Variants in CD99L2 observed in about 807,000 individuals in gnomAD.
CD99L2 encodes CD99 molecule like 2.
In CD99L2, 24 loss-of-function variants were observed where a neutral mutation model predicts 27.3. The ratio of observed to expected loss-of-function variants is 0.88; its 90% confidence interval spans 0.64 to 1.24. The LOEUF is 1.24. Ranked by LOEUF, CD99L2 falls within the 50% of genes most tolerant of loss-of-function variation. The pLI, the probability that CD99L2 is intolerant of heterozygous loss-of-function variation, is 0.00. For synonymous variants in CD99L2, 97 were observed against 87.9 expected, an observed-to-expected ratio of 1.10 and a Z score of -0.58; for missense variants, 255 against 221.6, an observed-to-expected ratio of 1.15 and a Z score of -0.96.
At chrX:150,788,301 G>A (rs1557419623) in intron 7 of CD99L2, among the ~76,000 whole-genome samples, 1 of 111,430 alleles carries the variant, frequency 9.0e-6, no homozygotes, top group Non-Finnish European at 1.9e-5. Flanking sequence ...CAAATCCTAT[G>A]CTCATTTTTT....
intron 9 of CD99L2, chrX:150,771,938 G>A: frequency 2.4e-6 from 2 of 842,773 alleles, no homozygotes; most frequent in Non-Finnish European, 3.4e-6. Context: ...CCCAGCATGG[G>A]CCTTTTGGCA....
intron 9 of CD99L2, among the ~76,000 whole-genome samples, chrX:150,770,838 G>T (rs1217234465): frequency 8.9e-6 from 1 of 112,701 alleles, no homozygotes; most frequent in Non-Finnish European, 1.9e-5. Flanking sequence ...AAAGCCTCCT[G>T]CCAACATGCA....
intron 1 of CD99L2, among the ~76,000 whole-genome samples, chrX:150,835,675 A>G (rs1415825365): frequency 8.9e-6 from 1 of 112,226 alleles, no homozygotes; most frequent in East Asian, 2.8e-4. Context: ...AAGCCACTCA[A>G]AGATATACTG....
chrX:150,856,890 G>A (rs1469241410), intron 1 of CD99L2, among the ~76,000 whole-genome samples: 1 of 110,445 alleles, frequency 9.1e-6, no homozygotes, highest in Non-Finnish European at 1.9e-5. Context: ...GGATATAAAT[G>A]AGAAATTTAC....
intron 9 of CD99L2, chrX:150,771,889 T>C (rs2043463160): frequency 9.1e-7 from 1 of 1,101,432 alleles, no homozygotes; most frequent in East Asian, 3.3e-5. Flanking sequence ...ACATGCGGGC[T>C]TTCCACACTG....
At chrX:150,802,746 T>A (rs2045931235) in intron 4 of CD99L2, among the ~76,000 whole-genome samples, 1 of 103,627 alleles carries the variant, frequency 9.6e-6, no homozygotes, top group African/African-American at 3.5e-5. Context: ...CACGCCCAGC[T>A]AATTTTTTGT....
chrX:150,869,636 A>C (rs1433583131), intron 1 of CD99L2, among the ~76,000 whole-genome samples: 1 of 112,100 alleles, frequency 8.9e-6, no homozygotes, highest in Non-Finnish European at 1.9e-5. Flanking sequence ...ACAGCTAGCC[A>C]GTCAGGAGAG....
intron 9 of CD99L2, among the ~76,000 whole-genome samples, chrX:150,774,941 G>A (rs782219729): frequency 8.9e-6 from 1 of 112,258 alleles, no homozygotes; most frequent in South Asian, 3.7e-4. Flanking sequence ...CCGGATCCAC[G>A]GTGGGTCCGT....
At chrX:150,798,380 T>C (rs1453923696) in intron 4 of CD99L2, among the ~76,000 whole-genome samples, 1 of 109,727 alleles carries the variant, frequency 9.1e-6, no homozygotes, top group Non-Finnish European at 1.9e-5. Context: ...ATATAAACCC[T>C]TGCATATACG....
intron 1 of CD99L2, among the ~76,000 whole-genome samples, chrX:150,891,090 A>T (rs1386775363): frequency 4.4e-5 from 5 of 113,099 alleles, no homozygotes; most frequent in African/African-American, 1.6e-4. Context: ...GATTGATTTT[A>T]AAATGGTAAA....
At chrX:150,857,642 T>C (rs942449517) in intron 1 of CD99L2, among the ~76,000 whole-genome samples, 14 of 111,823 alleles carry the variant, frequency 1.3e-4, no homozygotes, top group Non-Finnish European at 2.6e-4. Flanking sequence ...GGACAACATT[T>C]ACAATCATGA....
chrX:150,810,015 G>A (rs2046050260), intron 4 of CD99L2, among the ~76,000 whole-genome samples: 1 of 111,835 alleles, frequency 8.9e-6, no homozygotes, highest in Admixed American at 9.5e-5. Context: ...ATTATCGTTG[G>A]GGAAATTCCA....
intron 4 of CD99L2, among the ~76,000 whole-genome samples, chrX:150,797,423 A>G (rs974829619): frequency 5.4e-5 from 6 of 112,068 alleles, no homozygotes; most frequent in African/African-American, 1.9e-4. Context: ...CTCAAAAACC[A>G]CCAACTATCA....
intron 7 of CD99L2, among the ~76,000 whole-genome samples, chrX:150,778,684 A>AT (rs112705378): frequency 5.5e-3 from 130 of 23,555 alleles, no homozygotes; most frequent in African/African-American, 0.01. Flanking sequence ...AAAAAAAAAA[A>AT]AATATATATA....
intron 1 of CD99L2, among the ~76,000 whole-genome samples, chrX:150,863,568 T>C (rs1209559448): frequency 9.0e-6 from 1 of 111,363 alleles, no homozygotes; most frequent in Non-Finnish European, 1.9e-5. Context: ...ATGAGCAGCC[T>C]TTCTTTTGGT....
At chrX:150,846,000 G>A (rs1446318379) in intron 1 of CD99L2, among the ~76,000 whole-genome samples, 1 of 111,221 alleles carries the variant, frequency 9.0e-6, no homozygotes, top group African/African-American at 3.3e-5. Context: ...AGACCAGCCT[G>A]GGCAACATGG....
rs146992037 is a variant in CD99L2, at chrX:150,816,237, T to C, written c.131-159A>G. ...CTCCAGAGAATCACACTGAAAAGGA[T>C]GACAAAATGATATAGGTTTAAATGA... is the stretch of plus-strand genomic sequence containing the variant. On this transcript the variant is annotated intron_variant, in intron 2 of 10. Coordinates refer to ENST00000370377, the MANE Select transcript of CD99L2 (RefSeq NM_031462.4). 55 of 486,885 alleles carry C rather than the reference T, an allele frequency of 1.1e-4. No individual in the cohort carries two copies. The East Asian group carries it at 1.9e-3, about 17-fold the overall frequency. 40.1% of individuals were successfully genotyped at this position (486,885 alleles called of 1,213,427 possible).
In CD99L2 at chrX:150,779,580, G is replaced by A. The variant is rs782459156; in HGVS notation, c.497-2098C>T. On this transcript the variant is annotated intron_variant, in intron 7 of 10. Transcript: ENST00000370377. ...TCGCTTTGAGCCACGCTGGGCTACC[G>A]AGCTTCGCTTACTTCCTCTAGGCAC... is the stretch of plus-strand genomic sequence containing the variant. 4.4e-4 allele frequency among the ~76,000 whole-genome samples: 50 copies of A among 112,443 alleles called. 1 individual carries two copies. Among genetic ancestry groups the A allele is most frequent in the African/African-American group, 1.4e-3 (42 of 30,970 alleles).
intron 10 of CD99L2, among the ~76,000 whole-genome samples, chrX:150,769,683 C>T (rs1603282295): frequency 1.2e-5 from 1 of 86,446 alleles, no homozygotes; most frequent in South Asian, 4.1e-4. Flanking sequence ...CTGCCTGCGC[C>T]ACCAGGCCTC....
Sources: gnomAD v4.1 joint callset for allele counts (sites outside exome capture counted in the v4.1 genomes callset) on GRCh38, gnomAD v4.1.1 for gene constraint, MANE v1.5 for transcripts, NCBI Gene and HGNC (gene_info 2026-07-23, HGNC 2026-07-21) for gene names.